Variants in NSMAF observed in about 807,000 individuals in gnomAD.
The protein encoded by NSMAF is protein FAN.
In NSMAF, 90 loss-of-function variants were observed where a neutral mutation model predicts 134.9. The observed-to-expected ratio is 0.67, with a 90% CI of 0.56 to 0.79. The LOEUF is 0.79. Among genes scored for constraint, NSMAF ranks in the 30% least tolerant of loss-of-function variants. NSMAF has a pLI of 0.00. For synonymous variants in NSMAF, 358 were observed against 389.6 expected (o/e 0.92, Z 0.96); for missense variants, 1,010 against 1,119.0 (o/e 0.90, Z 1.39).
intron 1 of NSMAF, 44 bp downstream of exon 1, chr8:58,659,529 C>T: frequency 4.6e-6 from 7 of 1,521,800 alleles, no homozygotes; most frequent in Non-Finnish European, 6.2e-6. Context: ...ACGACCGGCC[C>T]CGACTAGGCC....
chr8:58,586,467 A>C lies in NSMAF; in HGVS notation c.2437T>G (p.Phe813Val). The change falls in exon 28 of 31, where the codon TTT becomes GTT. Residue 813 changes from phenylalanine (F) to valine (V), a missense_variant. Transcript: ENST00000038176. ...AAAGGATAATATCTACCTGGGCTAA[A>C]AGCAGTGTCACATACAATCCCTGAA... Reference protein sequence around the residue: ...CHSGIVCDTAFSPDSRHVLST... With the variant: ...CHSGIVCDTAVSPDSRHVLST... The C allele has an allele frequency of 1.2e-6, 2 of 1,607,404 alleles. No homozygotes were observed. The highest frequency in any genetic ancestry group is 1.7e-4 in the Middle Eastern group (1 of 6,052).
At chr8:58,604,287 A>G (rs527626440) in intron 12 of NSMAF, among the ~76,000 whole-genome samples, 3 of 152,154 alleles carry the variant, frequency 2.0e-5, no homozygotes, top group Non-Finnish European at 4.4e-5. Flanking sequence ...GAGAACTGAC[A>G]GTTTCTTAGA....
intron 2 of NSMAF, chr8:58,640,177 T>C: frequency 7.3e-6 from 3 of 410,736 alleles, no homozygotes; most frequent in Non-Finnish European, 1.5e-5. Flanking sequence ...AGAGAGTAGA[T>C]CTTATATGTT....
chr8:58,628,300 A>C (rs1806982251), intron 6 of NSMAF, among the ~76,000 whole-genome samples: 1 of 152,138 alleles, frequency 6.6e-6, no homozygotes, highest in Non-Finnish European at 1.5e-5. Context: ...ATAATATTGG[A>C]AAAACTCTTC....
At chr8:58,615,514 T>A (rs1806636351) in intron 9 of NSMAF, among the ~76,000 whole-genome samples, 1 of 152,126 alleles carries the variant, frequency 6.6e-6, no homozygotes, top group South Asian at 2.1e-4. Context: ...AAATTATAAA[T>A]CAGTACCTAT....
At chr8:58,634,335 G>T (rs528281870) in intron 5 of NSMAF, among the ~76,000 whole-genome samples, 3 of 152,096 alleles carry the variant, frequency 2.0e-5, no homozygotes, top group Non-Finnish European at 2.9e-5. Context: ...TGAACAAAAG[G>T]CTTCAGTGAT....
chr8:58,592,642 C>T (rs1002069880), intron 23 of NSMAF, among the ~76,000 whole-genome samples: 27 of 152,290 alleles, frequency 1.8e-4, no homozygotes, highest in African/African-American at 5.3e-4. Flanking sequence ...AATCCCAGCA[C>T]GTTGGGAGGC....
chr8:58,624,835 G>C (rs571141284), intron 6 of NSMAF, among the ~76,000 whole-genome samples: 1 of 152,300 alleles, frequency 6.6e-6, no homozygotes, highest in East Asian at 1.9e-4. Context: ...ATTGTCGAAA[G>C]TGTGGTATTG....
chr8:58,589,634 C>T (rs1284925010), intron 25 of NSMAF, 59 bp from the exon 26 acceptor site: 11 of 1,477,170 alleles, frequency 7.4e-6, no homozygotes, highest in South Asian at 1.4e-5. Context: ...GGCTCCTAAA[C>T]ATATATTAAA....
At chr8:58,646,498 CTTAAT>C (rs1807456756) in intron 1 of NSMAF, among the ~76,000 whole-genome samples, 1 of 152,118 alleles carries the variant, frequency 6.6e-6, no homozygotes, top group African/African-American at 2.4e-5. Context: ...TTATAGCCTC[CTTAAT>C]TTATCAATAT....
At chr8:58,648,943 A>T (rs1266112887) in intron 1 of NSMAF, among the ~76,000 whole-genome samples, 2 of 152,230 alleles carry the variant, frequency 1.3e-5, no homozygotes, top group Non-Finnish European at 2.9e-5. Context: ...CCCCATATAT[A>T]GTCCCCACCA....
At chr8:58,618,751 A>C (rs997419644) in intron 9 of NSMAF, among the ~76,000 whole-genome samples, 2 of 152,132 alleles carry the variant, frequency 1.3e-5, no homozygotes, top group African/African-American at 4.8e-5. Flanking sequence ...GACAGTTTAA[A>C]ATTTTTCAAA....
At chr8:58,591,707 G>A (rs899163410) in intron 23 of NSMAF, among the ~76,000 whole-genome samples, 15 of 151,920 alleles carry the variant, frequency 9.9e-5, no homozygotes, top group South Asian at 8.3e-4. Context: ...GGTTGGTCTC[G>A]AACTCCTGGC....
intron 1 of NSMAF, among the ~76,000 whole-genome samples, chr8:58,645,028 G>T (rs1807414402): frequency 6.6e-6 from 1 of 151,712 alleles, no homozygotes; most frequent in Non-Finnish European, 1.5e-5. Context: ...TGTGTTGATG[G>T]GTGCAGCAAA....
intron 27 of NSMAF, among the ~76,000 whole-genome samples, 190 bp from the exon 28 acceptor site, chr8:58,586,798 A>T (rs569158756): frequency 2.0e-5 from 3 of 152,338 alleles, no homozygotes; most frequent in Non-Finnish European, 4.4e-5. Context: ...ATGAAATTAA[A>T]TTCTTTATAA....
intron 9 of NSMAF, among the ~76,000 whole-genome samples, chr8:58,618,863 TC>T (rs1806722976): frequency 6.6e-6 from 1 of 152,308 alleles, no homozygotes; most frequent in South Asian, 2.1e-4. Flanking sequence ...TACCTTTTTT[TC>T]TTCTAGAGAA....
rs1256468074 is a variant in NSMAF at position 58,590,881 on chromosome 8, A to T, written c.2005T>A (p.Ser669Thr). ...KESKMLQRSI[S>T]FSNMALSSCL... The stretch of plus-strand genomic sequence containing the variant: ...AATGAACTCACCATATTTGAAAATG[A>T]TATACTTCTTTGTAGCATTTTTGAT... The change falls in exon 24 of 31, where the codon TCA becomes ACA. Residue 669 changes from serine to threonine, a missense_variant. Ser to Thr is a moderately conservative substitution (Grantham distance 58). Coordinates refer to ENST00000038176, the MANE Select transcript of NSMAF (RefSeq NM_003580.4). The T allele has an allele frequency of 3.8e-6, 6 of 1,561,314 alleles. No homozygotes were observed. The highest frequency in any genetic ancestry group is 5.3e-6 in the Non-Finnish European group (6 of 1,139,978).
At chr8:58,647,288 AC>A (rs1807479263) in intron 1 of NSMAF, among the ~76,000 whole-genome samples, 1 of 152,214 alleles carries the variant, frequency 6.6e-6, no homozygotes, top group South Asian at 2.1e-4. Flanking sequence ...CAGTGCCCCT[AC>A]TAGAGAGTTG....
chr8:58,609,853 T>A, intron 9 of NSMAF, 120 bp from the exon 10 acceptor site: 6 of 858,700 alleles, frequency 7.0e-6, no homozygotes, highest in Non-Finnish European at 1.0e-5. Context: ...ACATTTAATA[T>A]AAGAAAAATG....
Sources: gnomAD v4.1 joint callset for allele counts (sites outside exome capture counted in the v4.1 genomes callset) on GRCh38, gnomAD v4.1.1 for gene constraint, MANE v1.5 for transcripts, NCBI Gene and HGNC (gene_info 2026-07-23, HGNC 2026-07-21) for gene names.